ANKRD17: variants seen among roughly 807,000 people sequenced by gnomAD.
The protein encoded by ANKRD17 is ankyrin repeat domain-containing protein 17.
ANKRD17 carries 19 observed loss-of-function variants against 229.7 expected under a neutral mutation model. The observed-to-expected ratio is 0.08, with a 90% CI of 0.06 to 0.12. The LOEUF (loss-of-function observed/expected upper bound fraction) is 0.12, where lower values mean the gene tolerates loss of function less well. Among genes scored for constraint, ANKRD17 ranks in the 10% least tolerant of loss-of-function variants. ANKRD17 has a pLI of 1.00. For missense variants in ANKRD17, 2,176 were observed against 3,176.8 expected (o/e 0.68, Z 7.57); for synonymous variants, 1,112 against 1,146.1 (o/e 0.97, Z 0.60).
At chr4:73,160,210 C>CTTTTTTTTTTTTTTTTTTTTTTTTTT (rs144486458) in intron 3 of ANKRD17, among the ~76,000 whole-genome samples, 4 of 61,562 alleles carry the variant, frequency 6.5e-5, no homozygotes, top group Non-Finnish European at 1.2e-4. Context: ...TTTCTTATCA[C>CTTTTTTTTTTTTTTTTTTTTTTTTTT]TTTTTTTTTT....
intron 16 of ANKRD17, among the ~76,000 whole-genome samples, chr4:73,133,943 T>G (rs1376425332): frequency 6.6e-6 from 1 of 152,194 alleles, no homozygotes; most frequent in Non-Finnish European, 1.5e-5. Flanking sequence ...ACCTCTCTCT[T>G]AGCTACAATG....
intron 22 of ANKRD17, 39 bp downstream of exon 22, chr4:73,118,648 TA>T: frequency 6.2e-7 from 1 of 1,609,250 alleles, no homozygotes. Context: ...CTAGTGTAAG[TA>T]AAAAAACATC....
chr4:73,175,546 T>C (rs1734624579), intron 2 of ANKRD17, among the ~76,000 whole-genome samples: 1 of 152,190 alleles, frequency 6.6e-6, no homozygotes, highest in African/African-American at 2.4e-5. Flanking sequence ...CATTACCTGA[T>C]TTCAAATTAT....
At chr4:73,109,592 CAG>C (rs1216071922) in intron 24 of ANKRD17, among the ~76,000 whole-genome samples, 1 of 152,012 alleles carries the variant, frequency 6.6e-6, no homozygotes, top group Non-Finnish European at 1.5e-5. Flanking sequence ...AAGTAAGAAA[CAG>C]TGGTCTAAAT....
chr4:73,258,493 T>C lies in ANKRD17; in HGVS notation c.176A>G (p.Asp59Gly), dbSNP rs1281975443. ...CGGCGGCTTCTTCTTCAGGAGCAGG[T>C]CGCAGACTCGCACCATCCCACGAGG... is the stretch of plus-strand genomic sequence containing the variant. ...SSPRGMVRVC[D>G]LLLKKKPPQQ... Residue 59 changes from aspartate to glycine, a missense_variant, in exon 1 of 34, where the codon GAC (aspartate) becomes GGC (glycine). Transcript: ENST00000358602. The C allele has an allele frequency of 4.5e-6, 7 of 1,566,784 alleles. No homozygotes were observed. Among genetic ancestry groups the C allele is most frequent in the Non-Finnish European group, 6.0e-6 (7 of 1,158,094 alleles).
chr4:73,158,234 C>T (rs1241247905), intron 3 of ANKRD17, among the ~76,000 whole-genome samples: 2 of 137,528 alleles, frequency 1.5e-5, no homozygotes, highest in African/African-American at 5.4e-5. Flanking sequence ...TTCCTCTACT[C>T]AGAACCCTCC....
intron 14 of ANKRD17, 139 bp downstream of exon 14, chr4:73,141,602 T>G (rs929557610): frequency 6.8e-6 from 5 of 730,442 alleles, no homozygotes; most frequent in Admixed American, 2.7e-5. Flanking sequence ...TTTCTCCCAA[T>G]AACATGCTTT....
intron 23 of ANKRD17, among the ~76,000 whole-genome samples, chr4:73,115,017 C>T (rs1341195255): frequency 6.6e-6 from 1 of 152,108 alleles, no homozygotes; most frequent in Admixed American, 6.5e-5. Context: ...GCATTTCCTG[C>T]AAAATTCCTA....
intron 1 of ANKRD17, among the ~76,000 whole-genome samples, chr4:73,190,547 CA>C (rs34241615): frequency 1.1e-4 from 8 of 70,630 alleles, no homozygotes; most frequent in Non-Finnish European, 9.1e-5. Context: ...AAATGTCCTC[CA>C]AAAAAAAAAA....
At chr4:73,124,714 T>A (rs1727211357) in intron 18 of ANKRD17, among the ~76,000 whole-genome samples, 199 bp downstream of exon 18, 1 of 152,218 alleles carries the variant, frequency 6.6e-6, no homozygotes, top group Admixed American at 6.5e-5. Context: ...TGAGCAGGAT[T>A]CTAAACAATG....
intron 23 of ANKRD17, 39 bp downstream of exon 23, chr4:73,115,782 G>T (rs777179080): frequency 6.1e-6 from 9 of 1,474,104 alleles, no homozygotes; most frequent in South Asian, 1.2e-5. Context: ...TATATTAACC[G>T]AATAGAGTCC....
At chr4:73,110,289 A>G (rs1725154787) in intron 24 of ANKRD17, among the ~76,000 whole-genome samples, 4 of 152,214 alleles carry the variant, frequency 2.6e-5, no homozygotes, top group Admixed American at 2.6e-4. Context: ...GTAAATGCTC[A>G]ATAAATAAAT....
intron 3 of ANKRD17, among the ~76,000 whole-genome samples, chr4:73,158,983 C>T (rs1269638043): frequency 1.3e-5 from 2 of 152,188 alleles, no homozygotes; most frequent in East Asian, 1.9e-4. Flanking sequence ...TCCTGTTACA[C>T]GCAACAGAAA....
At position 73,141,902 on chromosome 4, in the gene ANKRD17, C is replaced by A; in HGVS notation, c.2230-59G>T. On this transcript the variant is annotated intron_variant, in intron 13 of 33. Transcript: ENST00000358602. ...CCTACACAATCCATTAAGTAATATG[C>A]TCTAAATAAAGAATAAATTAGAGAT... The A allele has an allele frequency of 4.8e-6, 6 of 1,246,484 alleles. No homozygotes were observed. The South Asian group carries it at 8.8e-5, about 18-fold the overall frequency. 77.2% of individuals were successfully genotyped at this position (1,246,484 alleles called of 1,614,324 possible).
chr4:73,142,168 A>G, intron 13 of ANKRD17, 74 bp downstream of exon 13: 11 of 1,426,372 alleles, frequency 7.7e-6, no homozygotes, highest in Non-Finnish European at 1.0e-5. Flanking sequence ...ACCCTAATTT[A>G]AACAGAAACT....
At chr4:73,096,607 T>G (rs1396252189) in intron 27 of ANKRD17, among the ~76,000 whole-genome samples, 1 of 152,222 alleles carries the variant, frequency 6.6e-6, no homozygotes, top group East Asian at 1.9e-4. Flanking sequence ...ATGGATCACA[T>G]TCTTTCTGGA....
At chr4:73,217,455 T>G (rs963320641) in intron 1 of ANKRD17, among the ~76,000 whole-genome samples, 1 of 152,134 alleles carries the variant, frequency 6.6e-6, no homozygotes, top group African/African-American at 2.4e-5. Context: ...CACTGCAAAA[T>G]ATACAGGTTG....
In ANKRD17 at chr4:73,188,765, T is replaced by TA. The variant is rs1736634159; in HGVS notation, c.394-11233dup. ...TGAGAAGAGGTAAAAGTTTCATTAA[T>TA]AAAACCAAACACAGTTTCTTGGGTA... is the stretch of plus-strand genomic sequence containing the variant. On this transcript the variant is annotated intron_variant, in intron 1 of 33. Coordinates refer to ENST00000358602, the MANE Select transcript of ANKRD17 (RefSeq NM_032217.5). Among the ~76,000 whole-genome samples, 4 of 152,102 alleles carry TA rather than the reference T, an allele frequency of 2.6e-5. No individual in the cohort carries two copies. In the South Asian group the frequency reaches 8.3e-4, roughly 31 times the overall value.
Position 73,232,725 on chromosome 4 carries a change from C to G in ANKRD17, c.393+25551G>C, listed in dbSNP as rs182578531. ...GAGGCCACCACATGTCTGCAATACC[C>G]CCCCTTTTTATTTTTTGAGACAGAG... On this transcript the variant is annotated intron_variant, in intron 1 of 33. Coordinates refer to ENST00000358602, the MANE Select transcript of ANKRD17 (RefSeq NM_032217.5). 4.5e-3 allele frequency among the ~76,000 whole-genome samples: 689 copies of G among 151,926 alleles called. 1 individual carries two copies. Among genetic ancestry groups the G allele is most frequent in the Non-Finnish European group, 7.3e-3 (498 of 67,932 alleles).
Sources: gnomAD v4.1 joint callset for allele counts (sites outside exome capture counted in the v4.1 genomes callset) on GRCh38, gnomAD v4.1.1 for gene constraint, MANE v1.5 for transcripts, NCBI Gene and HGNC (gene_info 2026-07-23, HGNC 2026-07-21) for gene names.